Variants in CNTN5 observed in about 807,000 individuals in gnomAD.
CNTN5 encodes contactin-5.
In CNTN5, 77 loss-of-function variants were observed where a neutral mutation model predicts 129.1. That is an observed-to-expected ratio of 0.60 (90% CI 0.50 to 0.72). The LOEUF is 0.72. Among genes scored for constraint, CNTN5 ranks in the 30% least tolerant of loss-of-function variants. The pLI is 0.00. For missense variants in CNTN5, 1,478 were observed against 1,328.8 expected (o/e 1.11, Z -1.75); for synonymous variants, 509 against 465.6 (o/e 1.09, Z -1.20).
intron 13 of CNTN5, among the ~76,000 whole-genome samples, chr11:100,183,180 T>C (rs948225775): frequency 6.6e-6 from 1 of 152,152 alleles, no homozygotes; most frequent in Non-Finnish European, 1.5e-5. Context: ...CTTGGAAAGA[T>C]TATGTCAGCT....
At chr11:99,139,932 C>T (rs7127945) in intron 1 of CNTN5, among the ~76,000 whole-genome samples, 143,605 of 152,150 alleles carry the variant, frequency 0.94, 67,875 homozygotes, top group East Asian at 1. Context: ...AAGCCAAAAA[C>T]CTCAGATCGA....
chr11:99,491,760 T>A (rs7109406), intron 2 of CNTN5, among the ~76,000 whole-genome samples: 2 of 152,002 alleles, frequency 1.3e-5, no homozygotes, highest in Non-Finnish European at 1.5e-5. Flanking sequence ...TACATTTTGC[T>A]TTCATGTGCC....
intron 8 of CNTN5, among the ~76,000 whole-genome samples, chr11:100,000,474 T>C (rs558718065): frequency 1.3e-5 from 2 of 152,330 alleles, no homozygotes; most frequent in South Asian, 4.1e-4. Context: ...CTTGGGCAGC[T>C]CTGCCCCTGT....
chr11:99,825,411 T>C (rs1456403027), intron 4 of CNTN5, among the ~76,000 whole-genome samples: 1 of 152,060 alleles, frequency 6.6e-6, no homozygotes, highest in Non-Finnish European at 1.5e-5. Context: ...TTCAAACATA[T>C]GCGTCCTTTA....
intron 8 of CNTN5, among the ~76,000 whole-genome samples, chr11:99,969,516 T>C (rs7926552): frequency 0.22 from 33,826 of 151,938 alleles, 4,409 homozygotes; most frequent in African/African-American, 0.35. Flanking sequence ...GCTATGCCTC[T>C]TCTTCCATTT....
chr11:99,334,917 G>T (rs1389624916), intron 2 of CNTN5, among the ~76,000 whole-genome samples: 1 of 151,788 alleles, frequency 6.6e-6, no homozygotes, highest in Non-Finnish European at 1.5e-5. Context: ...TGCCTGATTT[G>T]AGTAGGAGTT....
At chr11:100,286,107 G>A (rs949844033) in intron 18 of CNTN5, among the ~76,000 whole-genome samples, 12 of 152,194 alleles carry the variant, frequency 7.9e-5, no homozygotes, top group South Asian at 2.1e-4. Context: ...AGGGTCCTAC[G>A]CCCACGGAGT....
intron 3 of CNTN5, among the ~76,000 whole-genome samples, chr11:99,601,076 T>A (rs1175215946): frequency 6.6e-6 from 1 of 152,200 alleles, no homozygotes; most frequent in Non-Finnish European, 1.5e-5. Context: ...ATACCTTATT[T>A]CCCTTTTTAT....
intron 3 of CNTN5, among the ~76,000 whole-genome samples, chr11:99,812,182 C>T (rs1169156905): frequency 2.6e-5 from 4 of 152,086 alleles, no homozygotes; most frequent in South Asian, 2.1e-4. Flanking sequence ...AGAATATATA[C>T]TTGTGGAGTT....
At position 99,513,956 on chromosome 11, in the gene CNTN5, T is replaced by C. The variant is rs550388421; in HGVS notation, c.-70-42189T>C. Among the ~76,000 whole-genome samples, 21 of 152,206 alleles carry C rather than the reference T, an allele frequency of 1.4e-4. No homozygotes were observed. In the East Asian group the frequency reaches 3.5e-3, roughly 25 times the overall value. On this transcript the variant is annotated intron_variant, in intron 2 of 24. Coordinates refer to ENST00000524871, the MANE Select transcript of CNTN5 (RefSeq NM_014361.4). ...ATTATGACCATAGTGATTTCTTTGATGGATTTTGGGAAAATAAATTAAAAA... is the reference window on the plus strand; with the variant it reads ...ATTATGACCATAGTGATTTCTTTGACGGATTTTGGGAAAATAAATTAAAAA...
intron 13 of CNTN5, among the ~76,000 whole-genome samples, chr11:100,152,098 C>T (rs1390291377): frequency 6.6e-6 from 1 of 152,112 alleles, no homozygotes; most frequent in African/African-American, 2.4e-5. Flanking sequence ...TAAGTGAAAT[C>T]GTCAACCAGA....
At chr11:99,823,912 A>T (rs753734282) in intron 4 of CNTN5, among the ~76,000 whole-genome samples, 2 of 152,006 alleles carry the variant, frequency 1.3e-5, no homozygotes, top group Non-Finnish European at 2.9e-5. Flanking sequence ...TTTTGTGTCA[A>T]TGATACTGTG....
At chr11:99,623,078 T>G (rs1565359129) in intron 3 of CNTN5, among the ~76,000 whole-genome samples, 1 of 152,170 alleles carries the variant, frequency 6.6e-6, no homozygotes, top group East Asian at 1.9e-4. Context: ...TTTTTAAGAT[T>G]CATTTCAATG....
intron 3 of CNTN5, among the ~76,000 whole-genome samples, chr11:99,685,298 AAAT>A (rs1953741518): frequency 6.6e-6 from 1 of 151,816 alleles, no homozygotes; most frequent in South Asian, 2.1e-4. Context: ...AAATTTTAGT[AAAT>A]AATGTGTTTA....
chr11:99,522,327 A>G lies in CNTN5; in HGVS notation c.-70-33818A>G, dbSNP rs138235151. On this transcript the variant is annotated intron_variant, in intron 2 of 24. Transcript: ENST00000524871. ...TTGGATTATTTTTACCAAATTACTG[A>G]ATTTTCATCATTAATTGAGGTCAAT... Among the ~76,000 whole-genome samples the G allele has an allele frequency of 4.5e-3, 682 of 152,258 alleles. 5 individuals are homozygous for G. Among genetic ancestry groups the G allele is most frequent in the Non-Finnish European group, 7.4e-3 (502 of 68,008 alleles).
At chr11:99,606,083 G>A (rs1284141010) in intron 3 of CNTN5, among the ~76,000 whole-genome samples, 1 of 47,320 alleles carries the variant, frequency 2.1e-5, no homozygotes, top group Admixed American at 2.7e-4. Flanking sequence ...CATAGTGTTG[G>A]AAGTTCTGGC....
intron 3 of CNTN5, among the ~76,000 whole-genome samples, chr11:99,771,672 G>C (rs11221311): frequency 2.6e-5 from 4 of 151,968 alleles, no homozygotes; most frequent in Non-Finnish European, 5.9e-5. Flanking sequence ...ACGTTGGTCA[G>C]AAGTTACATA....
intron 1 of CNTN5, among the ~76,000 whole-genome samples, chr11:99,137,958 C>T (rs1008049935): frequency 5.3e-5 from 8 of 152,104 alleles, no homozygotes; most frequent in Non-Finnish European, 1.2e-4. Context: ...TGTTCTGTAA[C>T]ATAAAACTAG....
chr11:99,759,130 G>T (rs1264941532), intron 3 of CNTN5, among the ~76,000 whole-genome samples: 2 of 151,968 alleles, frequency 1.3e-5, no homozygotes, highest in East Asian at 3.9e-4. Context: ...TTATGCAGAA[G>T]AAAGAAGTAG....
Sources: gnomAD v4.1 joint callset for allele counts (sites outside exome capture counted in the v4.1 genomes callset) on GRCh38, gnomAD v4.1.1 for gene constraint, MANE v1.5 for transcripts, NCBI Gene and HGNC (gene_info 2026-07-23, HGNC 2026-07-21) for gene names.